Variants in MEGF9 observed in about 807,000 individuals in gnomAD.
MEGF9 encodes the protein multiple EGF like domains 9.
A neutral mutation model predicts 46.8 loss-of-function variants in MEGF9; 6 were observed. The ratio of observed to expected loss-of-function variants is 0.13; its 90% CI spans 0.07 to 0.25. The LOEUF (loss-of-function observed/expected upper bound fraction) is 0.25. MEGF9 is among the 10% of genes least tolerant of loss of function. The probability of loss-of-function intolerance (pLI) is 1.00; values close to 1 mark genes in which losing one functional copy is unlikely to be tolerated. For synonymous variants in MEGF9, 302 were observed against 330.7 expected, an observed-to-expected ratio of 0.91 and a Z score of 0.94; for missense variants, 683 against 792.4, an observed-to-expected ratio of 0.86 and a Z score of 1.66.
intron 2 of MEGF9, among the ~76,000 whole-genome samples, chr9:120,636,852 G>A (rs901235760): frequency 8.4e-6 from 1 of 119,240 alleles, no homozygotes; most frequent in African/African-American, 2.5e-5. Flanking sequence ...CCCGTCTGGG[G>A]GGTGGGGGGG....
intron 1 of MEGF9, among the ~76,000 whole-genome samples, chr9:120,661,183 T>G (rs1431880550): frequency 2.6e-5 from 4 of 152,204 alleles, no homozygotes; most frequent in Admixed American, 2.6e-4. Flanking sequence ...TTTATTTCCC[T>G]GCTCTTCACA....
Position 120,714,461 on chromosome 9 carries a change from A to G in MEGF9, c.-103T>C, listed in dbSNP as rs937199824. 22 of 1,039,760 alleles carry G rather than the reference A, an allele frequency of 2.1e-5. No individual in the cohort carries two copies. The African/African-American group carries it at 3.2e-4, about 15-fold the overall frequency. The allele number at this position is 1,039,760 out of a possible 1,614,324, so 64.4% of individuals were successfully genotyped here. ...CACCGCCACCGGGCGCACCATCGCC[A>G]CCTCCCTCTGACAGGCGGCCGGCCC... On this transcript the variant is annotated 5_prime_UTR_variant, in exon 1 of 6. Coordinates refer to ENST00000373930, the MANE Select transcript of MEGF9 (RefSeq NM_001080497.3).
In MEGF9 at chr9:120,637,385, T is replaced by C. The variant is rs538932855; in HGVS notation, c.804-14630A>G. 9.0e-4 allele frequency among the ~76,000 whole-genome samples: 136 copies of C among 151,226 alleles called. 1 individual carries two copies. The highest frequency in any genetic ancestry group is 1.3e-3 in the Admixed American group (19 of 15,156). On this transcript the variant is annotated intron_variant, in intron 2 of 5. Coordinates refer to ENST00000373930, the MANE Select transcript of MEGF9 (RefSeq NM_001080497.3). ...ACTATCGTCCTATGACCCTGCCAAA[T>C]TCCCCCTCTCGAGAAACACCCAAGA...
intron 1 of MEGF9, among the ~76,000 whole-genome samples, chr9:120,688,948 A>C (rs1182218835): frequency 6.6e-6 from 1 of 152,188 alleles, no homozygotes; most frequent in African/African-American, 2.4e-5. Context: ...AAAGCACATT[A>C]ATCACTGGTT....
At chr9:120,620,619 AATTG>A (rs1048793754) in intron 3 of MEGF9, among the ~76,000 whole-genome samples, 2 of 152,204 alleles carry the variant, frequency 1.3e-5, no homozygotes, top group Non-Finnish European at 2.9e-5. Flanking sequence ...AGTGGCCTTT[AATTG>A]ACGACTCGAG....
chr9:120,693,618 T>C (rs71509536), intron 1 of MEGF9, among the ~76,000 whole-genome samples: 3,857 of 152,342 alleles, frequency 0.025, 92 homozygotes, highest in Non-Finnish European at 0.034. Context: ...TGGCAATAAA[T>C]GTCTGGAATC....
chr9:120,672,949 G>A (rs1240216256), intron 1 of MEGF9, among the ~76,000 whole-genome samples: 1 of 152,192 alleles, frequency 6.6e-6, no homozygotes, highest in Non-Finnish European at 1.5e-5. Context: ...CTTGAATCCA[G>A]GAGGCAGAGG....
chr9:120,640,303 G>A (rs965040114), intron 2 of MEGF9, among the ~76,000 whole-genome samples: 1 of 152,078 alleles, frequency 6.6e-6, no homozygotes, highest in Non-Finnish European at 1.5e-5. Flanking sequence ...TTTTCCACAG[G>A]GGATCCGCAT....
Position 120,607,153 on chromosome 9 carries a change from C to G in MEGF9, c.1357+588G>C, listed in dbSNP as rs1038567512. ...ACAGCATGGTCCAATCTCTCTGTGA[C>G]CTAATAAACCCTCAATATCCTAACT... On this transcript the variant is annotated intron_variant, in intron 5 of 5. Transcript: ENST00000373930. 1.5e-3 allele frequency among the ~76,000 whole-genome samples: 233 copies of G among 152,244 alleles called. 1 individual carries two copies. Among genetic ancestry groups the G allele is most frequent in the African/African-American group, 5.5e-3 (227 of 41,548 alleles).
chr9:120,644,259 C>T (rs1461412423), intron 2 of MEGF9, among the ~76,000 whole-genome samples: 1 of 152,078 alleles, frequency 6.6e-6, no homozygotes, highest in African/African-American at 2.4e-5. Flanking sequence ...GGGAACTTGA[C>T]AAGTATTTTG....
rs193130720 is a variant in MEGF9, at chr9:120,696,532, C to T, written c.601+17226G>A. On this transcript the variant is annotated intron_variant, in intron 1 of 5. Coordinates refer to ENST00000373930, the MANE Select transcript of MEGF9 (RefSeq NM_001080497.3). The stretch of plus-strand genomic sequence containing the variant: ...AGGTCATGGAAATTCATTTAACGCT[C>T]TTAGTATCTGACAAAGAGTAACCTT... Among the ~76,000 whole-genome samples, 25 of 152,196 alleles carry T rather than the reference C, an allele frequency of 1.6e-4. No homozygotes were observed. In the East Asian group the frequency reaches 4.8e-3, roughly 29 times the overall value.
chr9:120,664,392 A>C (rs1470971742), intron 1 of MEGF9, among the ~76,000 whole-genome samples: 2 of 152,186 alleles, frequency 1.3e-5, no homozygotes, highest in Non-Finnish European at 2.9e-5. Flanking sequence ...TGCTAAAATT[A>C]TCTGTAATGC....
intron 1 of MEGF9, among the ~76,000 whole-genome samples, chr9:120,684,429 C>CT (rs149090138): frequency 6.6e-6 from 1 of 152,240 alleles, no homozygotes; most frequent in East Asian, 1.9e-4. Context: ...AAAATAACTA[C>CT]TTTTTTCTTT....
At chr9:120,692,984 C>A (rs780972172) in intron 1 of MEGF9, among the ~76,000 whole-genome samples, 1 of 152,108 alleles carries the variant, frequency 6.6e-6, no homozygotes, top group Non-Finnish European at 1.5e-5. Context: ...CCATATCCTT[C>A]GCTATGTTCT....
At chr9:120,691,540 A>G (rs2043848720) in intron 1 of MEGF9, 2 of 316,522 alleles carry the variant, frequency 6.3e-6, no homozygotes, top group Admixed American at 5.6e-5. Flanking sequence ...ATTAACTTCA[A>G]TAAAGTTGGA....
chr9:120,677,191 C>T (rs561833157), intron 1 of MEGF9, among the ~76,000 whole-genome samples: 34 of 152,096 alleles, frequency 2.2e-4, no homozygotes, highest in African/African-American at 7.7e-4. Context: ...TGCAGTGGCA[C>T]GATCACAGCT....
At chr9:120,660,565 C>T (rs1179681171) in intron 1 of MEGF9, among the ~76,000 whole-genome samples, 1 of 152,122 alleles carries the variant, frequency 6.6e-6, no homozygotes, top group Non-Finnish European at 1.5e-5. Context: ...ACTTCCTCCC[C>T]ACCACACCCC....
chr9:120,698,622 AC>A (rs750714268), intron 1 of MEGF9, among the ~76,000 whole-genome samples: 26 of 152,372 alleles, frequency 1.7e-4, no homozygotes, highest in Admixed American at 9.1e-4. Context: ...GAATTAACAG[AC>A]AAAGTTCTCA....
chr9:120,620,986 A>G (rs1314425945), intron 3 of MEGF9, among the ~76,000 whole-genome samples: 1 of 152,216 alleles, frequency 6.6e-6, no homozygotes, highest in Non-Finnish European at 1.5e-5. Flanking sequence ...TCATAAAAAC[A>G]CTTGTACTTG....
Sources: allele counts gnomAD v4.1 joint callset (sites outside exome capture counted in the v4.1 genomes callset), GRCh38; gene constraint gnomAD v4.1.1; transcripts MANE v1.5; gene names NCBI Gene and HGNC (gene_info 2026-07-23, HGNC 2026-07-21).